The following SLC8A1 variants were observed in gnomAD, a reference collection of about 807,000 sequenced individuals.
The protein encoded by SLC8A1 is sodium/calcium exchanger 1.
Under a neutral mutation model 68.3 loss-of-function variants are expected in SLC8A1, and 18 were observed. That is an observed-to-expected ratio of 0.26 (90% CI 0.18 to 0.39). SLC8A1 has a LOEUF of 0.39. Ranked by LOEUF, SLC8A1 falls within the 10% of genes least tolerant of loss-of-function variation. The pLI is 1.00. For missense variants in SLC8A1, 985 were observed against 1,156.7 expected (o/e 0.85, Z 2.15); for synonymous variants, 475 against 415.5 (o/e 1.14, Z -1.74).
chr2:40,177,776 T>C (rs1291457946), exon 3 of SLC8A1: 1 of 1,549,678 alleles, frequency 6.5e-7, no homozygotes, highest in Non-Finnish European at 8.7e-7. Context: ...CTTATCCATT[T>C]TGGTTCCTCA....
In SLC8A1 at chr2:40,403,785, T is replaced by C. The variant is rs889282292; in HGVS notation, c.1808+24688A>G. ...ATAGAAAGCATTTTGGCATCCAAAATATGTGTAACTAATAATGAATAATAA... is the reference window on the plus strand; with the variant it reads ...ATAGAAAGCATTTTGGCATCCAAAACATGTGTAACTAATAATGAATAATAA... On this transcript the variant is annotated intron_variant, in intron 2 of 7. Coordinates refer to ENST00000406785, the Ensembl canonical transcript of SLC8A1. Among the ~76,000 whole-genome samples the C allele has an allele frequency of 4.6e-5, 7 of 152,202 alleles. No individual in the cohort carries two copies. In the East Asian group the frequency reaches 9.6e-4, roughly 21 times the overall value.
intron 2 of SLC8A1, among the ~76,000 whole-genome samples, chr2:40,255,734 A>G (rs1195932303): frequency 2.0e-5 from 3 of 152,232 alleles, no homozygotes; most frequent in Non-Finnish European, 4.4e-5. Context: ...TTGACAAACT[A>G]TGTTAAGGGT....
Position 40,366,867 on chromosome 2 carries a change from T to C in SLC8A1, c.1808+61606A>G, listed in dbSNP as rs1202301001. 6.6e-5 allele frequency among the ~76,000 whole-genome samples: 10 copies of C among 152,066 alleles called. No individual in the cohort carries two copies. The East Asian group carries it at 1.9e-3, about 29-fold the overall frequency. ...TCGCCAAGAAATTTAAAAAAGAGAA[T>C]GTGGCAGCAATCCCATGGCAGCAAC... On this transcript the variant is annotated intron_variant, in intron 2 of 7. Transcript: ENST00000406785.
At chr2:40,110,959 C>A (rs181480778) in exon 8 of SLC8A1, 53 of 152,180 alleles carry the variant, frequency 3.5e-4, no homozygotes, top group African/African-American at 1.2e-3. Flanking sequence ...GGATCAGGGA[C>A]CTTTTGCTGT....
intron 3 of SLC8A1, chr2:40,176,066 T>C (rs984586886): frequency 4.8e-6 from 2 of 420,968 alleles, no homozygotes; most frequent in East Asian, 7.5e-5. Context: ...TTTCAGCTTA[T>C]GTGCTTTAAG....
chr2:40,419,977 G>A (rs1221901947), intron 2 of SLC8A1, among the ~76,000 whole-genome samples: 3 of 152,130 alleles, frequency 2.0e-5, no homozygotes, highest in Non-Finnish European at 4.4e-5. Context: ...AAACAAATTT[G>A]TTATAGAAAC....
At chr2:40,273,974 A>G (rs2066383424) in intron 2 of SLC8A1, among the ~76,000 whole-genome samples, 1 of 150,104 alleles carries the variant, frequency 6.7e-6, no homozygotes, top group Non-Finnish European at 1.5e-5. Flanking sequence ...AGGCTGCGGC[A>G]TGTCGGTGTT....
At chr2:40,139,415 C>G in exon 7 of SLC8A1, 2 of 1,614,068 alleles carry the variant, frequency 1.2e-6, no homozygotes, top group Non-Finnish European at 1.7e-6. Context: ...CACTGATGTT[C>G]CAAGTGCGAC....
chr2:40,193,657 G>A (rs2052342192), intron 2 of SLC8A1, among the ~76,000 whole-genome samples: 1 of 152,128 alleles, frequency 6.6e-6, no homozygotes, highest in South Asian at 2.1e-4. Context: ...AATTTTGCAA[G>A]AAGGAGCCAA....
At chr2:40,313,692 AG>A (rs2074051070) in intron 2 of SLC8A1, among the ~76,000 whole-genome samples, 1 of 151,984 alleles carries the variant, frequency 6.6e-6, no homozygotes, top group Admixed American at 6.6e-5. Flanking sequence ...CGTGAGTCAC[AG>A]TACCTGGATA....
At chr2:40,356,394 C>A (rs1428264172) in intron 2 of SLC8A1, among the ~76,000 whole-genome samples, 1 of 152,068 alleles carries the variant, frequency 6.6e-6, no homozygotes, top group Non-Finnish European at 1.5e-5. Flanking sequence ...TCTAGTTCAA[C>A]TTTTCTACAT....
chr2:40,164,714 A>G (rs958462626), intron 5 of SLC8A1, 140 bp downstream of exon 8: 21 of 1,169,052 alleles, frequency 1.8e-5, no homozygotes, highest in Admixed American at 6.7e-5. Flanking sequence ...TTTGGCCCCA[A>G]AGGCTCTCAA....
chr2:40,118,617 T>TTTTG (rs2036074979), intron 7 of SLC8A1: 2 of 143,544 alleles, frequency 1.4e-5, no homozygotes, highest in Admixed American at 1.4e-4. Flanking sequence ...GTTTTTTTTT[T>TTTTG]TTTTTTTTTT....
intron 5 of SLC8A1, among the ~76,000 whole-genome samples, chr2:40,163,238 G>A (rs2045990489): frequency 6.6e-6 from 1 of 152,156 alleles, no homozygotes; most frequent in Admixed American, 6.5e-5. Context: ...CTGGAAGACT[G>A]TGCCCGGCCT....
intron 2 of SLC8A1, among the ~76,000 whole-genome samples, chr2:40,310,746 T>C (rs950387202): frequency 1.3e-5 from 2 of 152,042 alleles, no homozygotes; most frequent in African/African-American, 4.8e-5. Flanking sequence ...CTCCACTCAG[T>C]AGAATACATT....
At chr2:40,230,641 A>C (rs1221068626) in intron 2 of SLC8A1, among the ~76,000 whole-genome samples, 1 of 152,164 alleles carries the variant, frequency 6.6e-6, no homozygotes, top group Non-Finnish European at 1.5e-5. Flanking sequence ...TAAAATTATA[A>C]TTAATTATCA....
At chr2:40,322,204 C>T (rs2075282893) in intron 2 of SLC8A1, among the ~76,000 whole-genome samples, 3 of 152,112 alleles carry the variant, frequency 2.0e-5, no homozygotes, top group Non-Finnish European at 4.4e-5. Flanking sequence ...ACGAGTTTTC[C>T]AGGTATCCCT....
Position 40,165,697 on chromosome 2 carries a change from T to C in SLC8A1, c.1931-713A>G, listed in dbSNP as rs1293054937. On this transcript the variant is annotated intron_variant, in intron 4 of 7. Transcript: ENST00000406785. ...CGGGAGTTAAAATACTCACTCACCA[T>C]GTGAGCACAATTATTTCCAGAACTA... Among the ~76,000 whole-genome samples the C allele has an allele frequency of 2.0e-5, 3 of 152,158 alleles. No individual in the cohort carries two copies. In the East Asian group the frequency reaches 5.8e-4, roughly 29 times the overall value.
chr2:40,420,967 A>C (rs142907839), intron 2 of SLC8A1, among the ~76,000 whole-genome samples: 2 of 152,318 alleles, frequency 1.3e-5, no homozygotes, highest in African/African-American at 4.8e-5. Context: ...TGAGTCTAAT[A>C]AGAGTAGCTA....
Sources: allele counts gnomAD v4.1 joint callset (sites outside exome capture counted in the v4.1 genomes callset), GRCh38; gene constraint gnomAD v4.1.1; transcripts MANE v1.5; gene names NCBI Gene and HGNC (gene_info 2026-07-23, HGNC 2026-07-21).